The following MAGI2 variants were observed in gnomAD, a reference collection of about 807,000 sequenced individuals.
MAGI2 encodes the protein membrane-associated guanylate kinase, WW and PDZ domain-containing protein 2.
Under a neutral mutation model 133.3 loss-of-function variants are expected in MAGI2, and 35 were observed. The ratio of observed to expected loss-of-function variants is 0.26; its 90% confidence interval spans 0.20 to 0.35. MAGI2 has a LOEUF of 0.35. MAGI2 is among the 10% of genes least tolerant of loss of function. The pLI is 1.00. For missense variants in MAGI2, 1,636 were observed against 1,863.4 expected (o/e 0.88, Z 2.25); for synonymous variants, 729 against 710.6 (o/e 1.03, Z -0.41).
chr7:78,397,366 T>TACACACAC (rs71085528), intron 6 of MAGI2, among the ~76,000 whole-genome samples: 5,339 of 147,734 alleles, frequency 0.036, 107 homozygotes, highest in African/African-American at 0.041. Context: ...TTGAAATTCC[T>TACACACAC]ACACACACAC....
At chr7:79,090,448 T>C (rs1187959531) in intron 1 of MAGI2, among the ~76,000 whole-genome samples, 1 of 152,132 alleles carries the variant, frequency 6.6e-6, no homozygotes, top group Non-Finnish European at 1.5e-5. Flanking sequence ...GAATGTCATA[T>C]AGTTAGTTTA....
intron 2 of MAGI2, among the ~76,000 whole-genome samples, chr7:78,918,314 T>C (rs1798955564): frequency 6.6e-6 from 1 of 152,192 alleles, no homozygotes; most frequent in Admixed American, 6.5e-5. Context: ...CCTATTTCAA[T>C]ACCATATCTA....
At chr7:79,259,230 AGTAGG>A (rs1833909803) in intron 1 of MAGI2, among the ~76,000 whole-genome samples, 1 of 152,230 alleles carries the variant, frequency 6.6e-6, no homozygotes, top group African/African-American at 2.4e-5. Context: ...GAGTAAAAAT[AGTAGG>A]ATAGTAAATT....
At chr7:78,940,400 GT>G (rs1563686959) in intron 2 of MAGI2, 1 of 152,048 alleles carries the variant, frequency 6.6e-6, no homozygotes, top group African/African-American at 2.4e-5. Flanking sequence ...GTAAAGAAGA[GT>G]TTTAGTAGAT....
intron 6 of MAGI2, among the ~76,000 whole-genome samples, chr7:78,376,595 T>G (rs1794470388): frequency 6.6e-6 from 1 of 152,118 alleles, no homozygotes; most frequent in Non-Finnish European, 1.5e-5. Flanking sequence ...TCAAATAAAT[T>G]TATTCATTAA....
chr7:79,170,559 T>A (rs559256361), intron 1 of MAGI2, among the ~76,000 whole-genome samples: 45 of 152,212 alleles, frequency 3.0e-4, no homozygotes, highest in African/African-American at 1.1e-3. Flanking sequence ...ATGCTTTAAA[T>A]CCAAAATATC....
chr7:79,362,110 A>T (rs545454644), intron 1 of MAGI2, among the ~76,000 whole-genome samples: 1 of 151,690 alleles, frequency 6.6e-6, no homozygotes, highest in Admixed American at 6.6e-5. Context: ...CAATATGAAA[A>T]ATCAATAAAA....
At chr7:78,092,178 A>C (rs755963590) in intron 20 of MAGI2, among the ~76,000 whole-genome samples, 5 of 152,208 alleles carry the variant, frequency 3.3e-5, no homozygotes, top group Non-Finnish European at 7.4e-5. Context: ...GAGGTCTACT[A>C]TCTTTGTTTG....
intron 2 of MAGI2, among the ~76,000 whole-genome samples, chr7:78,896,545 A>G (rs1486111710): frequency 2.0e-5 from 3 of 148,328 alleles, no homozygotes; most frequent in Non-Finnish European, 4.5e-5. Context: ...ATATAATATA[A>G]TATATAAAAA....
chr7:78,020,890 A>G (rs1808327200), intron 21 of MAGI2, among the ~76,000 whole-genome samples: 1 of 152,014 alleles, frequency 6.6e-6, no homozygotes, highest in African/African-American at 2.4e-5. Context: ...TCTTTTTAGT[A>G]CTTCTAACAT....
chr7:79,379,023 C>T (rs1183351414), intron 1 of MAGI2, among the ~76,000 whole-genome samples: 1 of 143,952 alleles, frequency 6.9e-6, no homozygotes, highest in African/African-American at 2.6e-5. Context: ...AGGTTTGTTA[C>T]ATATGTATAC....
intron 1 of MAGI2, among the ~76,000 whole-genome samples, chr7:79,060,251 T>C (rs1303902413): frequency 6.6e-6 from 1 of 152,118 alleles, no homozygotes; most frequent in South Asian, 2.1e-4. Context: ...TTTAAAGTCA[T>C]TGGAAAATGC....
chr7:79,295,172 A>G (rs2129559179), intron 1 of MAGI2, among the ~76,000 whole-genome samples: 1 of 152,332 alleles, frequency 6.6e-6, no homozygotes, highest in African/African-American at 2.4e-5. Context: ...TTTAAAATTT[A>G]AAACATTATA....
At chr7:78,907,816 G>A (rs1010830266) in intron 2 of MAGI2, among the ~76,000 whole-genome samples, 3 of 152,100 alleles carry the variant, frequency 2.0e-5, no homozygotes, top group Admixed American at 2.0e-4. Context: ...TTTCAGAAAG[G>A]AGGTGTGGGG....
At chr7:78,482,514 G>A (rs1792500441) in intron 6 of MAGI2, among the ~76,000 whole-genome samples, 1 of 151,838 alleles carries the variant, frequency 6.6e-6, no homozygotes, top group Admixed American at 6.6e-5. Context: ...CCTTCAATGG[G>A]TACCCTAAAA....
rs2150586145 is a variant in MAGI2 at position 78,521,628 on chromosome 7, G to A, written c.556C>T (p.Pro186Ser). Reference sequence around the variant, plus strand: ...GGTGCTGGTTCTGCTGGCGGCTTTGGGGTACCGTAGTAATTGTCTGCAAAC... The same window carrying A: ...GGTGCTGGTTCTGCTGGCGGCTTTGAGGTACCGTAGTAATTGTCTGCAAAC... ...GTYEDNYYGT[P>S]KPPAEPAPLL... Residue 186 changes from proline to serine, a missense_variant, in exon 4 of 22, where the codon CCA (proline) becomes TCA (serine). Transcript: ENST00000354212. 6.2e-7 allele frequency: 1 copy of A among 1,613,966 alleles called. No homozygotes were observed. The highest frequency in any genetic ancestry group is 2.2e-5 in the East Asian group (1 of 44,864).
chr7:78,867,451 A>G (rs1794655945), intron 2 of MAGI2, among the ~76,000 whole-genome samples: 1 of 151,520 alleles, frequency 6.6e-6, no homozygotes, highest in Admixed American at 6.6e-5. Flanking sequence ...CAAAAAAACC[A>G]AACACCACAT....
At chr7:78,625,729 G>T (rs1808273928) in intron 3 of MAGI2, among the ~76,000 whole-genome samples, 1 of 152,058 alleles carries the variant, frequency 6.6e-6, no homozygotes, top group Non-Finnish European at 1.5e-5. Flanking sequence ...TAGCTATACT[G>T]TTTTAATCTT....
At chr7:78,621,983 A>G (rs1807793089) in intron 3 of MAGI2, among the ~76,000 whole-genome samples, 1 of 152,082 alleles carries the variant, frequency 6.6e-6, no homozygotes, top group Non-Finnish European at 1.5e-5. Context: ...TAGAAACACC[A>G]TAAAATTGGC....
Sources: allele counts gnomAD v4.1 joint callset (sites outside exome capture counted in the v4.1 genomes callset), GRCh38; gene constraint gnomAD v4.1.1; transcripts MANE v1.5; gene names NCBI Gene and HGNC (gene_info 2026-07-23, HGNC 2026-07-21).